The following HAS2 variants were observed in gnomAD, a reference collection of about 807,000 sequenced individuals.
HAS2 encodes HA synthase 2.
Under a neutral mutation model 51.6 loss-of-function variants are expected in HAS2, and 16 were observed. That is an observed-to-expected ratio of 0.31 (90% CI 0.21 to 0.47). The LOEUF is 0.47. HAS2 is among the 20% of genes least tolerant of loss of function. HAS2 has a pLI of 1.00. For synonymous variants in HAS2, 228 were observed against 235.5 expected (o/e 0.97, Z 0.29); for missense variants, 361 against 662.6 (o/e 0.54, Z 5.00).
At chr8:121,633,283 C>T (rs1048729435) in intron 1 of HAS2, among the ~76,000 whole-genome samples, 1 of 151,880 alleles carries the variant, frequency 6.6e-6, no homozygotes, top group Non-Finnish European at 1.5e-5. Flanking sequence ...GTAGCTGGGA[C>T]TACAGGCATG....
intron 2 of HAS2, among the ~76,000 whole-genome samples, chr8:121,621,835 T>C (rs1418533889): frequency 6.6e-6 from 1 of 152,154 alleles, no homozygotes; most frequent in Non-Finnish European, 1.5e-5. Flanking sequence ...ACTTTTAATG[T>C]CTTTTTTTTT....
At chr8:121,621,638 T>C (rs1218901180) in intron 2 of HAS2, among the ~76,000 whole-genome samples, 1 of 152,168 alleles carries the variant, frequency 6.6e-6, no homozygotes, top group Non-Finnish European at 1.5e-5. Flanking sequence ...CAGAATCTCT[T>C]ACCACATGAA....
At chr8:121,630,084 G>T (rs1258861471) in intron 1 of HAS2, among the ~76,000 whole-genome samples, 1 of 152,040 alleles carries the variant, frequency 6.6e-6, no homozygotes, top group African/African-American at 2.4e-5. Flanking sequence ...CCGTAATTCT[G>T]AATTATACTC....
intron 2 of HAS2, among the ~76,000 whole-genome samples, chr8:121,622,065 C>T (rs148905505): frequency 4.8e-4 from 71 of 147,152 alleles, no homozygotes; most frequent in Middle Eastern, 3.6e-3. Flanking sequence ...GACTCTTCAT[C>T]TTAACCTTCA....
At chr8:121,615,462 C>T (rs142007453) in intron 3 of HAS2, among the ~76,000 whole-genome samples, 27 of 152,164 alleles carry the variant, frequency 1.8e-4, no homozygotes, top group African/African-American at 6.0e-4. Context: ...TCACCTGGGA[C>T]TACAGGTGCG....
At chr8:121,623,114 C>G (rs1468112369) in intron 2 of HAS2, among the ~76,000 whole-genome samples, 2 of 152,022 alleles carry the variant, frequency 1.3e-5, no homozygotes, top group Non-Finnish European at 2.9e-5. Flanking sequence ...CAGTTTGGTA[C>G]TTCTTTGTAA....
chr8:121,630,886 T>A (rs1282283112), intron 1 of HAS2, among the ~76,000 whole-genome samples: 3 of 152,190 alleles, frequency 2.0e-5, no homozygotes, highest in African/African-American at 7.2e-5. Flanking sequence ...TTCCCTGCAA[T>A]TGTACATTGA....
At chr8:121,634,494 G>A (rs573458540) in intron 1 of HAS2, among the ~76,000 whole-genome samples, 6 of 151,826 alleles carry the variant, frequency 4.0e-5, no homozygotes, top group South Asian at 4.2e-4. Context: ...ATGTATGGCC[G>A]GAGAGTACAC....
At chr8:121,619,561 C>T (rs1219025234) in intron 2 of HAS2, among the ~76,000 whole-genome samples, 2 of 152,094 alleles carry the variant, frequency 1.3e-5, no homozygotes, top group Non-Finnish European at 2.9e-5. Context: ...TAGGCAGAAG[C>T]TAGGCATTCG....
At chr8:121,619,760 A>G (rs571159993) in intron 2 of HAS2, among the ~76,000 whole-genome samples, 43 of 152,320 alleles carry the variant, frequency 2.8e-4, no homozygotes, top group African/African-American at 1.0e-3. Context: ...ACATGAAGGC[A>G]GAAATTCTAA....
At chr8:121,635,937 G>T (rs559117710) in intron 1 of HAS2, among the ~76,000 whole-genome samples, 12 of 152,354 alleles carry the variant, frequency 7.9e-5, no homozygotes, top group Non-Finnish European at 1.5e-4. Flanking sequence ...ACAGAAATCT[G>T]CTTCTAAGCA....
intron 2 of HAS2, among the ~76,000 whole-genome samples, chr8:121,627,632 G>T (rs1812871377): frequency 1.3e-5 from 2 of 152,150 alleles, no homozygotes; most frequent in South Asian, 4.1e-4. Context: ...CTGAGACTCA[G>T]AGAGGTGGTC....
At chr8:121,628,164 T>C (rs573215197) in intron 2 of HAS2, among the ~76,000 whole-genome samples, 1 of 152,316 alleles carries the variant, frequency 6.6e-6, no homozygotes, top group Admixed American at 6.5e-5. Flanking sequence ...CGAAGATTTT[T>C]TTTTCTCATT....
chr8:121,628,774 T>G lies in HAS2; in HGVS notation c.567A>C (p.Gly189=), dbSNP rs760391522. 6.2e-7 allele frequency: 1 copy of G among 1,614,110 alleles called. No individual in the cohort carries two copies. The highest frequency in any genetic ancestry group is 8.5e-7 in the Non-Finnish European group (1 of 1,179,968). Residue 189 remains glycine (G), a synonymous_variant, in exon 2 of 4, where the codon GGA becomes GGC. Coordinates refer to ENST00000303924, the MANE Select transcript of HAS2 (RefSeq NM_005328.3). ...KSICIMQKWG[G]KREVMYTAFR... ...AGGCTGTGTACATGACTTCTCTTTT[T>G]CCACCCCATTTTTGCATGATGCAGA...
intron 2 of HAS2, among the ~76,000 whole-genome samples, chr8:121,622,396 G>A (rs997459015): frequency 2.0e-5 from 3 of 152,008 alleles, no homozygotes; most frequent in Admixed American, 6.6e-5. Context: ...ACTCGGACTC[G>A]TTTCTTCACT....
At chr8:121,620,424 A>C (rs1404307365) in intron 2 of HAS2, among the ~76,000 whole-genome samples, 1 of 152,222 alleles carries the variant, frequency 6.6e-6, no homozygotes, top group Non-Finnish European at 1.5e-5. Context: ...TTCAAGGAGA[A>C]CTGAACCTCA....
intron 1 of HAS2, among the ~76,000 whole-genome samples, chr8:121,637,374 TA>T (rs1328707044): frequency 6.7e-6 from 1 of 148,216 alleles, no homozygotes; most frequent in Non-Finnish European, 1.5e-5. Flanking sequence ...TCCACATGAC[TA>T]CCATTCAAAA....
intron 1 of HAS2, among the ~76,000 whole-genome samples, chr8:121,638,543 T>C (rs1301276282): frequency 2.0e-5 from 3 of 152,226 alleles, no homozygotes; most frequent in Non-Finnish European, 4.4e-5. Flanking sequence ...ATAGGGGGGA[T>C]GATACTTTAG....
intron 2 of HAS2, among the ~76,000 whole-genome samples, chr8:121,627,224 T>C (rs1812866662): frequency 6.6e-6 from 1 of 152,206 alleles, no homozygotes; most frequent in Admixed American, 6.5e-5. Flanking sequence ...ATTTTTCATA[T>C]CCTCTATAAG....
Sources: allele counts gnomAD v4.1 joint callset (sites outside exome capture counted in the v4.1 genomes callset), GRCh38; gene constraint gnomAD v4.1.1; transcripts MANE v1.5; gene names NCBI Gene and HGNC (gene_info 2026-07-23, HGNC 2026-07-21).